The following FRMPD2 variants were observed in gnomAD, a reference collection of about 807,000 sequenced individuals.
The protein encoded by FRMPD2 is FERM and PDZ domain containing 2.
A neutral mutation model predicts 140.1 loss-of-function variants in FRMPD2; 96 were observed. That is an observed-to-expected ratio of 0.69 (90% CI 0.58 to 0.81). The LOEUF (loss-of-function observed/expected upper bound fraction) is 0.81, where lower values mean the gene tolerates loss of function less well. FRMPD2 is among the 40% of genes least tolerant of loss of function. The pLI, the probability that FRMPD2 is intolerant of heterozygous loss-of-function variation, is 0.00. For synonymous variants in FRMPD2, 449 were observed against 547.6 expected, an observed-to-expected ratio of 0.82 and a Z score of 2.52; for missense variants, 1,240 against 1,447.4, an observed-to-expected ratio of 0.86 and a Z score of 2.32.
chr10:48,270,557 A>G (rs567656587), intron 1 of FRMPD2, among the ~76,000 whole-genome samples: 2 of 152,168 alleles, frequency 1.3e-5, no homozygotes, highest in East Asian at 1.9e-4. Flanking sequence ...ATCACTCTAC[A>G]TGCTCCAAAG....
chr10:48,253,514 T>C (rs1840431648), intron 1 of FRMPD2, among the ~76,000 whole-genome samples: 1 of 152,162 alleles, frequency 6.6e-6, no homozygotes, highest in African/African-American at 2.4e-5. Context: ...CATTTTTTTC[T>C]AGGCACAAAG....
At position 48,240,496 on chromosome 10, in the gene FRMPD2, G is replaced by A. The variant is rs1840082092; in HGVS notation, c.568-4C>T. 4 of 1,613,588 alleles carry A rather than the reference G, an allele frequency of 2.5e-6. No individual in the cohort carries two copies. The African/African-American group carries it at 5.3e-5, about 22-fold the overall frequency. The stretch of plus-strand genomic sequence containing the variant: ...CCTCCACAACTCTTTTCTCCACCTG[G>A]GGGTCAAGTGCATCACACATCCACA... On this transcript the variant is annotated splice_polypyrimidine_tract_variant and splice_region_variant and intron_variant, in intron 5 of 28. Transcript: ENST00000374201.
At chr10:48,244,600 C>T (rs1210881383) in intron 4 of FRMPD2, among the ~76,000 whole-genome samples, 184 bp downstream of exon 4, 1 of 152,170 alleles carries the variant, frequency 6.6e-6, no homozygotes, top group Non-Finnish European at 1.5e-5. Context: ...GAGTGGGATT[C>T]TGAGGTTGTT....
intron 14 of FRMPD2, among the ~76,000 whole-genome samples, chr10:48,204,967 G>T (rs745458708): frequency 6.6e-5 from 10 of 152,182 alleles, no homozygotes; most frequent in Non-Finnish European, 1.2e-4. Context: ...TTCCTTTGCT[G>T]CTTTGGTGCA....
intron 1 of FRMPD2, among the ~76,000 whole-genome samples, chr10:48,256,232 G>A (rs1840485164): frequency 6.9e-6 from 1 of 145,432 alleles, no homozygotes; most frequent in African/African-American, 2.5e-5. Context: ...CACCCAGGAA[G>A]AACCCTTGGG....
chr10:48,201,416 T>C, intron 14 of FRMPD2, 32 bp from the exon 15 acceptor site: 2 of 1,607,010 alleles, frequency 1.2e-6, no homozygotes, highest in Non-Finnish European at 1.7e-6. Flanking sequence ...TTTAATACAC[T>C]GATCATCCAC....
At chr10:48,222,541 G>C (rs1439424727) in intron 11 of FRMPD2, 90 bp from the exon 12 acceptor site, 47 of 1,360,932 alleles carry the variant, frequency 3.5e-5, no homozygotes, top group Non-Finnish European at 4.3e-5. Context: ...TGGGAAGTTG[G>C]AAAAGTAGGG....
chr10:48,168,068 A>AACAC (rs3045792), intron 27 of FRMPD2, among the ~76,000 whole-genome samples: 3,003 of 143,524 alleles, frequency 0.021, 58 homozygotes, highest in Middle Eastern at 0.042. Flanking sequence ...CACACACATA[A>AACAC]ACACACACAC....
chr10:48,224,379 G>A (rs1318048997), intron 10 of FRMPD2, among the ~76,000 whole-genome samples: 3 of 152,210 alleles, frequency 2.0e-5, no homozygotes, highest in African/African-American at 7.2e-5. Flanking sequence ...GGGCACAGGA[G>A]TCCTGCCCAG....
chr10:48,191,478 A>G (rs905986689), intron 16 of FRMPD2, among the ~76,000 whole-genome samples: 2 of 152,214 alleles, frequency 1.3e-5, no homozygotes, highest in East Asian at 3.8e-4. Context: ...GTCGTTTGTT[A>G]CACAGCAATA....
At position 48,223,258 on chromosome 10, in the gene FRMPD2, A is replaced by T; in HGVS notation, c.1181T>A (p.Phe394Tyr). 1 of 1,612,970 alleles carries T rather than the reference A, an allele frequency of 6.2e-7. No homozygotes were observed. Among genetic ancestry groups the T allele is most frequent in the Non-Finnish European group, 8.5e-7 (1 of 1,179,438 alleles). The change falls in exon 11 of 29, where the codon TTT becomes TAT. Residue 394 changes from phenylalanine to tyrosine, a missense_variant. Physicochemically the swap from Phe to Tyr is conservative, Grantham distance 22 (BLOSUM62 3). Transcript: ENST00000374201. ...GLAYMKSKEF[F>Y]FLDSETRLCK... is the part of the protein sequence containing the mutation. ...CAATCTGGTTTCACTGTCCAGGAAA[A>T]AGAACTCTTTGCCTGAAATGGAAAT...
chr10:48,261,622 A>G (rs1006935699), intron 1 of FRMPD2, among the ~76,000 whole-genome samples: 1 of 152,204 alleles, frequency 6.6e-6, no homozygotes, highest in African/African-American at 2.4e-5. Context: ...TATATTGGTC[A>G]CCAGTAGGCT....
At chr10:48,251,799 C>T in intron 1 of FRMPD2, 108 bp from the exon 2 acceptor site, 1 of 1,321,888 alleles carries the variant, frequency 7.6e-7, no homozygotes, top group South Asian at 1.3e-5. Context: ...CACTACTGCA[C>T]ACCGGCACTG....
Position 48,201,373 on chromosome 10 carries a change from G to A in FRMPD2, c.1809C>T (p.Phe603=). 1.9e-6 allele frequency: 3 copies of A among 1,613,396 alleles called. No individual in the cohort carries two copies. Among genetic ancestry groups the A allele is most frequent in the Non-Finnish European group, 2.5e-6 (3 of 1,179,588 alleles). The stretch of plus-strand genomic sequence containing the variant: ...TCCCAGTGACACTGCTTGTGATGGT[G>A]AACTTTTTTTGCTGAAGGAAGCAAA... ...TGKISTYQKK[F]TITSSVTGKK... Residue 603 remains phenylalanine (F), a synonymous_variant, in exon 15 of 29, where the codon TTC becomes TTT. Coordinates refer to ENST00000374201, the MANE Select transcript of FRMPD2 (RefSeq NM_001018071.4).
intron 14 of FRMPD2, among the ~76,000 whole-genome samples, chr10:48,203,864 C>A (rs116738749): frequency 6.6e-6 from 1 of 152,190 alleles, no homozygotes; most frequent in African/African-American, 2.4e-5. Flanking sequence ...CTCAGACACA[C>A]CCTCCTTGCC....
chr10:48,185,501 C>G, intron 18 of FRMPD2, 52 bp downstream of exon 18: 1 of 1,269,240 alleles, frequency 7.9e-7, no homozygotes, highest in Middle Eastern at 1.9e-4. Flanking sequence ...ACCCACCTCC[C>G]CACTTTGCCC....
intron 16 of FRMPD2, among the ~76,000 whole-genome samples, chr10:48,189,635 C>T (rs1484119190): frequency 6.6e-6 from 1 of 152,120 alleles, no homozygotes; most frequent in Non-Finnish European, 1.5e-5. Context: ...ACCACCGAAT[C>T]CTCCACACCT....
At position 48,236,946 on chromosome 10, in the gene FRMPD2, T is replaced by C. The variant is rs968403998; in HGVS notation, c.922-393A>G. Among the ~76,000 whole-genome samples the C allele has an allele frequency of 1.1e-4, 17 of 152,230 alleles. 1 individual carries two copies. The highest frequency in any genetic ancestry group is 4.1e-4 in the African/African-American group (17 of 41,460). On this transcript the variant is annotated intron_variant, in intron 8 of 28. Coordinates refer to ENST00000374201, the MANE Select transcript of FRMPD2 (RefSeq NM_001018071.4). Reference sequence around the variant, plus strand: ...TTAGATTTAGATGAGCTGAAATGTTTTCTAGCTCTAGATGTTGAATCAATA... The same window carrying C: ...TTAGATTTAGATGAGCTGAAATGTTCTCTAGCTCTAGATGTTGAATCAATA...
chr10:48,252,381 T>C (rs1372605232), intron 1 of FRMPD2, among the ~76,000 whole-genome samples: 1 of 152,088 alleles, frequency 6.6e-6, no homozygotes, highest in African/African-American at 2.4e-5. Context: ...CACCCACTAA[T>C]CTCCAGAGAC....
Sources: allele counts gnomAD v4.1 joint callset (sites outside exome capture counted in the v4.1 genomes callset), GRCh38; gene constraint gnomAD v4.1.1; transcripts MANE v1.5; gene names NCBI Gene and HGNC (gene_info 2026-07-23, HGNC 2026-07-21).